The following UBE2S variants were observed in gnomAD, a reference collection of about 807,000 sequenced individuals.
UBE2S encodes ubiquitin conjugating enzyme E2 S, also known as ubiquitin-conjugating enzyme E2 S.
Under a neutral mutation model 12.3 loss-of-function variants are expected in UBE2S, and 3 were observed. That is an observed-to-expected ratio of 0.24 (90% CI 0.11 to 0.63). The LOEUF (loss-of-function observed/expected upper bound fraction) is 0.63, where lower values mean the gene tolerates loss of function less well. UBE2S is among the 30% of genes least tolerant of loss of function. The pLI, the probability that UBE2S is intolerant of heterozygous loss-of-function variation, is 0.85. For synonymous variants in UBE2S, 133 were observed against 142.0 expected, an observed-to-expected ratio of 0.94 and a Z score of 0.45; for missense variants, 211 against 313.9, an observed-to-expected ratio of 0.67 and a Z score of 2.48.
chr19:55,404,591 A>G lies in UBE2S; in HGVS notation c.152-113T>C, dbSNP rs1235572217. On this transcript the variant is annotated intron_variant, in intron 2 of 3. Transcript: ENST00000264552. The surrounding 1 kb of genome is among the most constrained non-coding windows in gnomAD (Gnocchi z 4.4). ...TGTGATGCAGGTGGGTGCCCCGCCA[A>G]CTCTGCCAACAGACTGGAGGATTCT... 4 of 906,932 alleles carry G rather than the reference A, an allele frequency of 4.4e-6. No homozygotes were observed. Among genetic ancestry groups the G allele is most frequent in the Non-Finnish European group, 6.6e-6 (4 of 604,532 alleles). 56.2% of individuals were successfully genotyped at this position (906,932 alleles called of 1,614,324 possible).
rs750472330 is a variant in UBE2S, at chr19:55,406,909, C to T, written c.57G>A (p.Glu19=). The part of the protein sequence containing the change: ...PPHIIRLVYK[E]VTTLTADPPD... Reference sequence around the variant, plus strand: ...GTGGGTCTGCGGTCAGTGTCGTCACCTCCTTGTACACCAGGCGGATGATGT... The same window carrying T: ...GTGGGTCTGCGGTCAGTGTCGTCACTTCCTTGTACACCAGGCGGATGATGT... Residue 19 remains glutamate, a synonymous_variant, in exon 2 of 4, where the codon GAG becomes GAA. Transcript: ENST00000264552. The T allele has an allele frequency of 3.7e-6, 6 of 1,613,878 alleles. No individual in the cohort carries two copies. The highest frequency in any genetic ancestry group is 5.1e-6 in the Non-Finnish European group (6 of 1,179,940).
At chr19:55,402,348 A>G (rs2090066089) in intron 3 of UBE2S, among the ~76,000 whole-genome samples, 1 of 152,344 alleles carries the variant, frequency 6.6e-6, no homozygotes, top group Non-Finnish European at 1.5e-5. Context: ...GCTGGGTTGG[A>G]CCACACACAA....
chr19:55,405,717 C>G (rs1418829841), intron 2 of UBE2S, among the ~76,000 whole-genome samples: 1 of 152,148 alleles, frequency 6.6e-6, no homozygotes, highest in Non-Finnish European at 1.5e-5. Context: ...TACGCACTTT[C>G]CTATAAGATG....
chr19:55,407,164 G>A (rs1220076083), intron 1 of UBE2S, among the ~76,000 whole-genome samples: 2 of 151,848 alleles, frequency 1.3e-5, no homozygotes, highest in Admixed American at 1.3e-4. Context: ...GGTTCACGGG[G>A]GGGCTTGCAG....
intron 3 of UBE2S, chr19:55,403,248 C>G (rs2123311196): frequency 1.7e-6 from 1 of 587,720 alleles, no homozygotes; most frequent in South Asian, 2.1e-5. Context: ...GAACTGTATA[C>G]TTTGGAACTG....
chr19:55,407,768 G>A lies in UBE2S; in HGVS notation c.-179C>T, dbSNP rs1448096869. 3 of 390,482 alleles carry A rather than the reference G, an allele frequency of 7.7e-6. No homozygotes were observed. The highest frequency in any genetic ancestry group is 2.1e-5 in the African/African-American group (1 of 47,408). 24.2% of individuals were successfully genotyped at this position (390,482 alleles called of 1,614,324 possible). A position where few individuals can be genotyped will look rare whatever the true frequency, so the allele number is the denominator to read the frequency against. ...ACAGCGTAGACCAACCCGCCGCCCC[G>A]GTGCCCGGCAGCACTGAGCCGGCCG... On this transcript the variant is annotated 5_prime_UTR_variant, in exon 1 of 4. Transcript: ENST00000264552.
rs775011541 is a variant in UBE2S at position 55,401,583 on chromosome 19, G to A, written c.522C>T (p.Gly174=). The A allele has an allele frequency of 6.8e-6, 11 of 1,609,296 alleles. No homozygotes were observed. The highest frequency in any genetic ancestry group is 1.1e-5 in the South Asian group (1 of 90,928). The part of the protein sequence containing the change: ...RAEAGRALAS[G]TEASSTDPGA... ...CAGGGTCGGTGGAGGAAGCTTCAGTGCCACTGGCCAGGGCCCGACCGGCTT... is the reference window on the plus strand; with the variant it reads ...CAGGGTCGGTGGAGGAAGCTTCAGTACCACTGGCCAGGGCCCGACCGGCTT... The change falls in exon 4 of 4, where the codon GGC becomes GGT. Residue 174 remains glycine (G), a synonymous_variant. Transcript: ENST00000264552.
At chr19:55,407,012 C>T (rs947836082) in intron 1 of UBE2S, 50 bp from the exon 2 acceptor site, 7 of 1,592,584 alleles carry the variant, frequency 4.4e-6, no homozygotes, top group Non-Finnish European at 6.0e-6. Flanking sequence ...AGCTGGGCTT[C>T]CCGCAGGGCC....
At chr19:55,403,007 G>GCCTCCACCTCAGCAACA in intron 3 of UBE2S, 3 of 1,530,694 alleles carry the variant, frequency 2.0e-6, no homozygotes, top group Non-Finnish European at 1.8e-6. Context: ...AGACCAGGAC[G>GCCTCCACCTCAGCAACA]CCTCCACCTC....
At chr19:55,407,464 G>A in intron 1 of UBE2S, 123 bp downstream of exon 1, 1 of 1,128,232 alleles carries the variant, frequency 8.9e-7, no homozygotes, top group Non-Finnish European at 1.2e-6. Context: ...CCCATCCCGG[G>A]TCAGGGACCC....
intron 2 of UBE2S, among the ~76,000 whole-genome samples, chr19:55,405,954 C>T (rs377719841): frequency 1.8e-4 from 27 of 152,170 alleles, no homozygotes; most frequent in Admixed American, 6.5e-5. Context: ...CCTGCCAGGC[C>T]GGCTCTCCTC....
At position 55,401,209 on chromosome 19, in the gene UBE2S, G is replaced by A. The variant is rs1273216986; in HGVS notation, c.*227C>T. 1 of 600,924 alleles carries A rather than the reference G, an allele frequency of 1.7e-6. No individual in the cohort carries two copies. The highest frequency in any genetic ancestry group is 2.9e-6 in the Non-Finnish European group (1 of 342,860). 37.2% of individuals were successfully genotyped at this position (600,924 alleles called of 1,614,324 possible). A position where few individuals can be genotyped will look rare whatever the true frequency, so the allele number is the denominator to read the frequency against. On this transcript the variant is annotated 3_prime_UTR_variant, in exon 4 of 4. Transcript: ENST00000264552. ...GAGGCTTTACAAGGACCCAGGGCCT[G>A]TGCAGGGGAGCCAAACTCCCAGAGC...
At chr19:55,405,639 T>C (rs2090092266) in intron 2 of UBE2S, among the ~76,000 whole-genome samples, 1 of 152,158 alleles carries the variant, frequency 6.6e-6, no homozygotes, top group African/African-American at 2.4e-5. Context: ...TGCACCCTCC[T>C]GGATCCCCCG....
chr19:55,404,223 G>A lies in UBE2S; in HGVS notation c.342+65C>T. ...TCAGAAAAACTAAACAAAGCGCTAT[G>A]GCTCAGACACCAGCAGACCTCCAGA... On this transcript the variant is annotated intron_variant, in intron 3 of 3. Coordinates refer to ENST00000264552, the MANE Select transcript of UBE2S (RefSeq NM_014501.3). The surrounding 1 kb of genome is among the most constrained non-coding windows in gnomAD (Gnocchi z 4.4). 1.3e-6 allele frequency: 2 copies of A among 1,594,562 alleles called. No homozygotes were observed. The highest frequency in any genetic ancestry group is 2.2e-5 in the East Asian group (1 of 44,706).
Position 55,404,207 on chromosome 19 carries a change from C to A in UBE2S, c.342+81G>T. ...CCACTTCAGAGTTGATTCAGAAAAA[C>A]TAAACAAAGCGCTATGGCTCAGACA... On this transcript the variant is annotated intron_variant, in intron 3 of 3. Transcript: ENST00000264552. The surrounding 1 kb of genome is among the most constrained non-coding windows in gnomAD (Gnocchi z 4.4). The A allele has an allele frequency of 6.4e-7, 1 of 1,565,030 alleles. No individual in the cohort carries two copies. Among genetic ancestry groups the A allele is most frequent in the Non-Finnish European group, 8.7e-7 (1 of 1,146,756 alleles).
At chr19:55,407,366 G>C (rs2090103468) in intron 1 of UBE2S, among the ~76,000 whole-genome samples, 2 of 152,152 alleles carry the variant, frequency 1.3e-5, no homozygotes, top group South Asian at 4.1e-4. Context: ...AACACCCATG[G>C]GCGGGCCGCA....
At chr19:55,402,756 C>T (rs891111369) in intron 3 of UBE2S, among the ~76,000 whole-genome samples, 3 of 152,116 alleles carry the variant, frequency 2.0e-5, no homozygotes, top group East Asian at 1.9e-4. Flanking sequence ...GTGCCAATGT[C>T]CCCAGCAGCC....
At chr19:55,403,494 AAAAG>A (rs747083839) in intron 3 of UBE2S, among the ~76,000 whole-genome samples, 8 of 148,404 alleles carry the variant, frequency 5.4e-5, no homozygotes, top group African/African-American at 7.7e-5. Flanking sequence ...CTTTAAAACA[AAAAG>A]AAAGAAAGGA....
chr19:55,407,516 C>A, intron 1 of UBE2S, 71 bp downstream of exon 1: 1 of 1,488,164 alleles, frequency 6.7e-7, no homozygotes, highest in Non-Finnish European at 9.0e-7. Flanking sequence ...CCGTCGGAGG[C>A]CCCTGAGACT....
Sources: allele counts gnomAD v4.1 joint callset (sites outside exome capture counted in the v4.1 genomes callset), GRCh38; gene constraint gnomAD v4.1.1; non-coding constraint Gnocchi (gnomAD v3.1); transcripts MANE v1.5; gene names NCBI Gene and HGNC (gene_info 2026-07-23, HGNC 2026-07-21).